The following ANK3 variants were observed in gnomAD, a reference collection of about 807,000 sequenced individuals.
ANK3 encodes the protein ankyrin 3, also known as ankyrin-3.
A neutral mutation model predicts 370.9 loss-of-function variants in ANK3; 57 were observed. That is an observed-to-expected ratio of 0.15 (90% CI 0.12 to 0.19). The LOEUF is 0.19. Ranked by LOEUF, ANK3 falls within the 10% of genes least tolerant of loss-of-function variation. ANK3 has a pLI of 1.00. For missense variants in ANK3, 4,439 were observed against 5,302.1 expected (o/e 0.84, Z 5.06); for synonymous variants, 1,929 against 1,946.3 (o/e 0.99, Z 0.23).
chr10:60,385,607 GCT>G (rs1407262524), intron 1 of ANK3, among the ~76,000 whole-genome samples: 6 of 152,030 alleles, frequency 3.9e-5, no homozygotes, highest in African/African-American at 9.7e-5. Context: ...ATTTGTTCCT[GCT>G]CTGTCACTGA....
chr10:60,669,453 C>T (rs2079039329), intron 1 of ANK3, among the ~76,000 whole-genome samples: 1 of 152,170 alleles, frequency 6.6e-6, no homozygotes, highest in African/African-American at 2.4e-5. Context: ...CGGTTGGGTA[C>T]CGCTGGGTCC....
At chr10:60,469,085 ATATATATATACCACTTTTAG>A (rs2065097751) in intron 2 of ANK3, among the ~76,000 whole-genome samples, 3 of 76,922 alleles carry the variant, frequency 3.9e-5, no homozygotes, top group Non-Finnish European at 7.4e-5. Context: ...ATATATATAT[ATATATATATACCACTTTTAG>A]TATATATATA....
chr10:60,395,914 G>C (rs920042165), intron 2 of ANK3, among the ~76,000 whole-genome samples: 4 of 152,104 alleles, frequency 2.6e-5, no homozygotes, highest in African/African-American at 9.7e-5. Flanking sequence ...GAAGAGGTCA[G>C]CACTCAGCAC....
Position 60,056,025 on chromosome 10 carries a change from C to T in ANK3, c.12698G>A (p.Cys4233Tyr), listed in dbSNP as rs764325997. 1.2e-6 allele frequency: 2 copies of T among 1,611,724 alleles called. No individual in the cohort carries two copies. Among genetic ancestry groups the T allele is most frequent in the South Asian group, 1.1e-5 (1 of 90,810 alleles). Residue 4233 changes from cysteine (C) to tyrosine (Y), a missense_variant, in exon 42 of 44, where the codon TGT (cysteine) becomes TAT (tyrosine). Transcript: ENST00000280772. ...GAGATATGAGGTAATGGAATCTCTA[C>T]ACTGGTCAGGGCTGCAACAGAAAAT... ...LDRLDDSPDQCRDSITSYLKG... is the reference protein window; with the variant it reads ...LDRLDDSPDQYRDSITSYLKG...
intron 2 of ANK3, among the ~76,000 whole-genome samples, chr10:60,515,658 C>T (rs1441097006): frequency 2.0e-5 from 3 of 152,092 alleles, no homozygotes; most frequent in Non-Finnish European, 4.4e-5. Flanking sequence ...CCTTCAACAC[C>T]AAGTTCCATC....
chr10:60,289,076 A>G (rs1593118226), intron 1 of ANK3, among the ~76,000 whole-genome samples: 1 of 152,100 alleles, frequency 6.6e-6, no homozygotes, highest in African/African-American at 2.4e-5. Flanking sequence ...ATATGGTTGT[A>G]TGTGACAATG....
chr10:60,417,586 G>A (rs1329658551), intron 2 of ANK3, among the ~76,000 whole-genome samples: 5 of 152,188 alleles, frequency 3.3e-5, no homozygotes, highest in African/African-American at 1.2e-4. Flanking sequence ...TAAGTGAAAG[G>A]TGATGTGCCA....
At chr10:60,701,416 A>G (rs1041677771) in intron 1 of ANK3, among the ~76,000 whole-genome samples, 2 of 152,174 alleles carry the variant, frequency 1.3e-5, no homozygotes, top group African/African-American at 2.4e-5. Context: ...TAGAAAAAAA[A>G]ACATGAAAAG....
intron 1 of ANK3, among the ~76,000 whole-genome samples, chr10:60,373,019 A>C (rs1465366363): frequency 6.6e-6 from 1 of 152,222 alleles, no homozygotes; most frequent in Non-Finnish European, 1.5e-5. Context: ...TTGTAAAGCA[A>C]TTTGAAATCA....
chr10:60,098,734 G>A (rs2132060058), intron 28 of ANK3, among the ~76,000 whole-genome samples: 1 of 152,224 alleles, frequency 6.6e-6, no homozygotes, highest in East Asian at 1.9e-4. Context: ...AAGGCTCCAT[G>A]CACCTTTTAT....
intron 1 of ANK3, among the ~76,000 whole-genome samples, chr10:60,706,567 G>T (rs2079621977): frequency 6.6e-6 from 1 of 152,040 alleles, no homozygotes; most frequent in Non-Finnish European, 1.5e-5. Flanking sequence ...CCTCTCAGGT[G>T]TATACTTCCA....
At chr10:60,451,397 A>G (rs1351309543) in intron 2 of ANK3, among the ~76,000 whole-genome samples, 1 of 152,190 alleles carries the variant, frequency 6.6e-6, no homozygotes, top group Non-Finnish European at 1.5e-5. Flanking sequence ...TTACCCTTTC[A>G]AAACCATTGG....
chr10:60,303,754 T>G (rs1447031120), intron 1 of ANK3, among the ~76,000 whole-genome samples: 1 of 152,060 alleles, frequency 6.6e-6, no homozygotes, highest in African/African-American at 2.4e-5. Flanking sequence ...GCCAAAGAAA[T>G]AAAATCAATA....
At chr10:60,575,665 CTG>C (rs2077674050) in intron 2 of ANK3, among the ~76,000 whole-genome samples, 1 of 152,120 alleles carries the variant, frequency 6.6e-6, no homozygotes, top group African/African-American at 2.4e-5. Flanking sequence ...ATCTCTGAAA[CTG>C]TGTTAAGGCC....
chr10:60,594,422 GA>G (rs570723426), intron 2 of ANK3, among the ~76,000 whole-genome samples: 75 of 152,268 alleles, frequency 4.9e-4, no homozygotes, highest in African/African-American at 1.7e-3. Context: ...TTCAGTTAAA[GA>G]CCTTATGAAC....
intron 1 of ANK3, among the ~76,000 whole-genome samples, chr10:60,345,091 T>C (rs1302342267): frequency 1.3e-5 from 1 of 74,252 alleles, no homozygotes; most frequent in Non-Finnish European, 3.7e-5. Context: ...GCCAATATTG[T>C]GAAACAAAGC....
At chr10:60,058,405 G>A (rs1589370208) in intron 41 of ANK3, among the ~76,000 whole-genome samples, 2 of 149,282 alleles carry the variant, frequency 1.3e-5, no homozygotes, top group African/African-American at 5.2e-5. Context: ...ATTATTTTGG[G>A]TAAAGACAAA....
chr10:60,560,700 A>T (rs562009168), intron 2 of ANK3, among the ~76,000 whole-genome samples: 1 of 152,296 alleles, frequency 6.6e-6, no homozygotes, highest in East Asian at 1.9e-4. Flanking sequence ...AGTAGGAGGA[A>T]ATCCATTAAA....
At chr10:60,111,826 A>C (rs2092733395) in intron 26 of ANK3, 1 of 445,502 alleles carries the variant, frequency 2.2e-6, no homozygotes, top group African/African-American at 2.0e-5. Context: ...AGAAGCAAGC[A>C]ACAGAAAATG....
Sources: gnomAD v4.1 joint callset for allele counts (sites outside exome capture counted in the v4.1 genomes callset) on GRCh38, gnomAD v4.1.1 for gene constraint, MANE v1.5 for transcripts, NCBI Gene and HGNC (gene_info 2026-07-23, HGNC 2026-07-21) for gene names.